ITGA9: variants seen among roughly 807,000 people sequenced by gnomAD.
ITGA9 encodes integrin alpha-9.
ITGA9 carries 56 observed loss-of-function variants against 127.8 expected under a neutral mutation model. That is an observed-to-expected ratio of 0.44 (90% CI 0.35 to 0.55). The LOEUF (loss-of-function observed/expected upper bound fraction) is 0.55. Ranked by LOEUF, ITGA9 falls within the 20% of genes least tolerant of loss-of-function variation. The pLI is 0.00. For missense variants in ITGA9, 1,196 were observed against 1,347.1 expected (o/e 0.89, Z 1.76); for synonymous variants, 508 against 514.5 (o/e 0.99, Z 0.17).
At chr3:37,722,314 A>T (rs755714600) in intron 18 of ITGA9, among the ~76,000 whole-genome samples, 1 of 152,248 alleles carries the variant, frequency 6.6e-6, no homozygotes, top group Non-Finnish European at 1.5e-5. Flanking sequence ...TCGTTGAGAT[A>T]TAGTTCAGAT....
intron 17 of ITGA9, among the ~76,000 whole-genome samples, chr3:37,659,992 ACACACACACACG>A: frequency 6.6e-6 from 1 of 151,504 alleles, no homozygotes; most frequent in East Asian, 1.9e-4. Context: ...TAACACACAC[ACACACACACACG>A]CACACACACA....
At chr3:37,695,968 G>A (rs1399199567) in intron 18 of ITGA9, among the ~76,000 whole-genome samples, 1 of 152,086 alleles carries the variant, frequency 6.6e-6, no homozygotes, top group African/African-American at 2.4e-5. Flanking sequence ...TCCAAGGCTG[G>A]GCTTTCCCTG....
intron 20 of ITGA9, among the ~76,000 whole-genome samples, chr3:37,739,038 T>G (rs1409304909): frequency 6.6e-6 from 1 of 152,186 alleles, no homozygotes; most frequent in East Asian, 1.9e-4. Flanking sequence ...CAATGGAGTT[T>G]TCAGAAGGGC....
intron 16 of ITGA9, among the ~76,000 whole-genome samples, chr3:37,630,551 G>A (rs541005562): frequency 2.8e-4 from 43 of 152,344 alleles, no homozygotes; most frequent in Non-Finnish European, 5.3e-4. Context: ...TTGACTGGCT[G>A]TGGGGGGGAA....
At chr3:37,467,662 A>AT (rs1371289306) in intron 1 of ITGA9, among the ~76,000 whole-genome samples, 1 of 152,006 alleles carries the variant, frequency 6.6e-6, no homozygotes. Context: ...TTTTTTTGTG[A>AT]TTTTTGTAAA....
At chr3:37,653,926 T>C (rs940895030) in intron 17 of ITGA9, 136 bp downstream of exon 17, 1 of 683,318 alleles carries the variant, frequency 1.5e-6, no homozygotes, top group African/African-American at 1.8e-5. Context: ...TCTGTGGTTT[T>C]AAAAAAATGT....
At chr3:37,782,266 A>G (rs1394527370) in intron 25 of ITGA9, among the ~76,000 whole-genome samples, 3 of 152,240 alleles carry the variant, frequency 2.0e-5, no homozygotes, top group Non-Finnish European at 2.9e-5. Flanking sequence ...TGGTGGCTGT[A>G]AGCCACTCTG....
rs776706761 is a variant in ITGA9 at position 37,750,478 on chromosome 3, C to G, written c.2450C>G (p.Pro817Arg). Residue 817 changes from proline (P) to arginine (R), a missense_variant, in exon 23 of 28, where the codon CCA becomes CGA. Physicochemically the swap from Pro to Arg is moderately radical, Grantham distance 103. Coordinates refer to ENST00000264741, the MANE Select transcript of ITGA9 (RefSeq NM_002207.3). ...NITLQVYNTG[P>R]STLPGSSVSI... is the part of the protein sequence containing the mutation. Reference sequence around the variant, plus strand: ...CACCCACAGGTCTACAACACTGGCCCAAGCACCCTTCCAGGGTCATCTGTC... The same window carrying G: ...CACCCACAGGTCTACAACACTGGCCGAAGCACCCTTCCAGGGTCATCTGTC... 3 of 1,612,142 alleles carry G rather than the reference C, an allele frequency of 1.9e-6. No individual in the cohort carries two copies. In the South Asian group the frequency reaches 3.3e-5, roughly 18 times the overall value.
At chr3:37,644,764 C>T (rs1034782552) in intron 16 of ITGA9, among the ~76,000 whole-genome samples, 5 of 152,110 alleles carry the variant, frequency 3.3e-5, no homozygotes, top group African/African-American at 1.2e-4. Context: ...TTTTATCCTT[C>T]CATGGTTTCA....
chr3:37,470,985 A>G (rs1174389185), intron 1 of ITGA9, 22 bp from the exon 2 acceptor site: 2 of 1,613,854 alleles, frequency 1.2e-6, no homozygotes, highest in Admixed American at 3.3e-5. Context: ...TTGTGACAGA[A>G]TGCCTTTTTC....
At position 37,490,387 on chromosome 3, in the gene ITGA9, A is replaced by G. The variant is rs140714198; in HGVS notation, c.545-4114A>G. Among the ~76,000 whole-genome samples the G allele has an allele frequency of 5.1e-3, 778 of 152,350 alleles. 7 individuals carry two copies. The highest frequency in any genetic ancestry group is 0.018 in the African/African-American group (735 of 41,584). Reference sequence around the variant, plus strand: ...ATTCGCTATAACAACTCCTTGGTGAAATTCAGAATAAAGACTGGCAAGCTA... The same window carrying G: ...ATTCGCTATAACAACTCCTTGGTGAGATTCAGAATAAAGACTGGCAAGCTA... On this transcript the variant is annotated intron_variant, in intron 4 of 27. Transcript: ENST00000264741.
chr3:37,533,213 T>C, intron 13 of ITGA9, 101 bp from the exon 14 acceptor site: 1 of 1,057,580 alleles, frequency 9.5e-7, no homozygotes, highest in Non-Finnish European at 1.5e-6. Context: ...AATTAAATGC[T>C]GGGTTGAAGG....
intron 11 of ITGA9, among the ~76,000 whole-genome samples, chr3:37,520,677 G>A (rs1699035333): frequency 2.0e-5 from 3 of 152,132 alleles, no homozygotes; most frequent in South Asian, 4.1e-4. Flanking sequence ...AATAAACTTC[G>A]GTGATTCAGC....
At chr3:37,706,690 T>C (rs1478790780) in intron 18 of ITGA9, among the ~76,000 whole-genome samples, 1 of 152,140 alleles carries the variant, frequency 6.6e-6, no homozygotes, top group Non-Finnish European at 1.5e-5. Context: ...AGAATGCTAC[T>C]GAAGATGGTA....
At chr3:37,682,161 T>TTC in intron 17 of ITGA9, among the ~76,000 whole-genome samples, 1 of 152,290 alleles carries the variant, frequency 6.6e-6, no homozygotes, top group East Asian at 1.9e-4. Flanking sequence ...ACCATCCAAT[T>TTC]TCTCTGTTCT....
chr3:37,795,371 G>A (rs1697159224), intron 26 of ITGA9, among the ~76,000 whole-genome samples: 1 of 152,202 alleles, frequency 6.6e-6, no homozygotes. Flanking sequence ...GCATTGATCA[G>A]AACATAAAAG....
At chr3:37,649,783 A>G (rs1398697309) in intron 16 of ITGA9, among the ~76,000 whole-genome samples, 1 of 152,244 alleles carries the variant, frequency 6.6e-6, no homozygotes, top group Non-Finnish European at 1.5e-5. Context: ...TCAAGTAGCC[A>G]TGGAACATTC....
chr3:37,603,273 T>C (rs749995564), intron 15 of ITGA9, among the ~76,000 whole-genome samples: 3 of 152,206 alleles, frequency 2.0e-5, no homozygotes, highest in Non-Finnish European at 4.4e-5. Flanking sequence ...GCATCTGTAC[T>C]GAACATATAC....
At chr3:37,512,217 C>CT (rs1698939150) in intron 8 of ITGA9, among the ~76,000 whole-genome samples, 1 of 78,874 alleles carries the variant, frequency 1.3e-5, no homozygotes, top group African/African-American at 5.1e-5. Flanking sequence ...TTCTTTCTTT[C>CT]TTTCTTCTTT....
Sources: gnomAD v4.1 joint callset for allele counts (sites outside exome capture counted in the v4.1 genomes callset) on GRCh38, gnomAD v4.1.1 for gene constraint, MANE v1.5 for transcripts, NCBI Gene and HGNC (gene_info 2026-07-23, HGNC 2026-07-21) for gene names.